MXI1: variants seen among roughly 807,000 people sequenced by gnomAD.
The protein encoded by MXI1 is MAX interactor 1, dimerization protein, also known as max-interacting protein 1.
MXI1 carries 18 observed loss-of-function variants against 36.9 expected under a neutral mutation model. The observed-to-expected ratio is 0.49, with a 90% confidence interval of 0.34 to 0.72. The LOEUF (loss-of-function observed/expected upper bound fraction) is 0.72. Ranked by LOEUF, MXI1 falls within the 30% of genes least tolerant of loss-of-function variation. The pLI is 0.01. For synonymous variants in MXI1, 160 were observed against 146.7 expected (o/e 1.09, Z -0.65); for missense variants, 304 against 379.1 (o/e 0.80, Z 1.64).
chr10:110,258,802 G>A (rs1856404583), intron 3 of MXI1, among the ~76,000 whole-genome samples: 1 of 152,112 alleles, frequency 6.6e-6, no homozygotes, highest in Non-Finnish European at 1.5e-5. Context: ...TTGCAGTTGT[G>A]TCTAGATAGA....
intron 1 of MXI1, among the ~76,000 whole-genome samples, chr10:110,210,043 A>G (rs910095406): frequency 1.3e-4 from 1 of 7,608 alleles, no homozygotes; most frequent in African/African-American, 6.3e-4. Flanking sequence ...CCCACCCCCC[A>G]CCCCCCACCC....
intron 3 of MXI1, among the ~76,000 whole-genome samples, chr10:110,249,531 A>T (rs533757351): frequency 6.6e-6 from 1 of 151,442 alleles, no homozygotes; most frequent in African/African-American, 2.4e-5. Context: ...ATGAGCCAAG[A>T]TCACACCACT....
At chr10:110,247,535 C>G (rs2134398905) in intron 3 of MXI1, among the ~76,000 whole-genome samples, 1 of 152,238 alleles carries the variant, frequency 6.6e-6, no homozygotes, top group East Asian at 1.9e-4. Context: ...ACATTTAAGT[C>G]TTTAATCCAT....
chr10:110,235,390 T>TA (rs1272940806), intron 2 of MXI1, among the ~76,000 whole-genome samples: 1 of 151,744 alleles, frequency 6.6e-6, no homozygotes, highest in African/African-American at 2.4e-5. Context: ...GTTTATTAGT[T>TA]AAAAAAAATA....
chr10:110,236,335 C>T (rs1010369888), intron 2 of MXI1, among the ~76,000 whole-genome samples: 4 of 151,764 alleles, frequency 2.6e-5, no homozygotes, highest in African/African-American at 9.7e-5. Flanking sequence ...TCTAATGCCA[C>T]ACTGTCTTAA....
intron 3 of MXI1, among the ~76,000 whole-genome samples, chr10:110,263,784 T>A (rs1365822587): frequency 6.6e-6 from 1 of 152,222 alleles, no homozygotes. Context: ...TTTTTTTGTT[T>A]CTTCTCACAG....
chr10:110,227,413 A>G lies in MXI1; in HGVS notation c.275-776A>G. 1.1e-5 allele frequency: 11 copies of G among 988,084 alleles called. No individual in the cohort carries two copies. In the South Asian group the frequency reaches 4.0e-4, roughly 36 times the overall value. The allele number at this position is 988,084 out of a possible 1,614,324, so 61.2% of individuals were successfully genotyped here. On this transcript the variant is annotated intron_variant, in intron 1 of 5. Coordinates refer to ENST00000332674, the MANE Select transcript of MXI1 (RefSeq NM_130439.3). The stretch of plus-strand genomic sequence containing the variant: ...TGCTGGGGGAGGTGCGAGGGTGCGC[A>G]CGGAGGGTGGGGCTGTGGGTGTGCG...
intron 5 of MXI1, among the ~76,000 whole-genome samples, chr10:110,280,615 G>A (rs1024415217): frequency 2.0e-5 from 3 of 151,462 alleles, no homozygotes; most frequent in African/African-American, 7.3e-5. Context: ...GGGAGGCGGA[G>A]CTTGCAGTGA....
intron 1 of MXI1, 31 bp downstream of exon 1, chr10:110,208,113 C>G: frequency 6.4e-7 from 1 of 1,559,572 alleles, no homozygotes; most frequent in East Asian, 2.6e-5. Context: ...TCTTCCTCGG[C>G]GCCCGGTTCT....
At chr10:110,224,800 A>C (rs374967191) in intron 1 of MXI1, among the ~76,000 whole-genome samples, 3 of 152,066 alleles carry the variant, frequency 2.0e-5, no homozygotes, top group African/African-American at 7.2e-5. Flanking sequence ...GGCACCCGCC[A>C]CCATGCCCGG....
chr10:110,235,733 G>A (rs181220853), intron 2 of MXI1, among the ~76,000 whole-genome samples: 46 of 151,150 alleles, frequency 3.0e-4, no homozygotes, highest in Non-Finnish European at 5.2e-4. Context: ...TCTATTGGCC[G>A]GGTGTGGTGG....
chr10:110,232,439 C>G (rs1855308517), intron 2 of MXI1, among the ~76,000 whole-genome samples: 2 of 152,186 alleles, frequency 1.3e-5, no homozygotes, highest in South Asian at 2.1e-4. Flanking sequence ...GGAATGTTTC[C>G]TCATCTGCCG....
intron 3 of MXI1, among the ~76,000 whole-genome samples, chr10:110,253,923 C>T (rs1257352367): frequency 1.3e-5 from 2 of 151,996 alleles, no homozygotes; most frequent in Non-Finnish European, 2.9e-5. Context: ...ATCCTTTCTC[C>T]CTAAGATCAG....
At chr10:110,230,491 A>G (rs1855220756) in intron 2 of MXI1, among the ~76,000 whole-genome samples, 1 of 152,222 alleles carries the variant, frequency 6.6e-6, no homozygotes, top group African/African-American at 2.4e-5. Context: ...ATAAGTAGCA[A>G]GAAAGAGAGA....
chr10:110,246,857 A>G (rs931337546), intron 3 of MXI1, among the ~76,000 whole-genome samples: 1 of 152,188 alleles, frequency 6.6e-6, no homozygotes, highest in Non-Finnish European at 1.5e-5. Flanking sequence ...AAGGAAGGAC[A>G]TATCTGGCTA....
intron 1 of MXI1, chr10:110,227,720 A>G (rs1855110158): frequency 4.6e-6 from 1 of 216,168 alleles, no homozygotes; most frequent in Non-Finnish European, 8.3e-6. Context: ...GAGATGGCGC[A>G]GAAAGACCAG....
At chr10:110,257,259 C>T (rs1856333194) in intron 3 of MXI1, 1 of 151,316 alleles carries the variant, frequency 6.6e-6, no homozygotes, top group Non-Finnish European at 1.5e-5. Flanking sequence ...AGACTGCGAG[C>T]ATGCTATTAG....
intron 2 of MXI1, among the ~76,000 whole-genome samples, chr10:110,239,687 G>C (rs1043779035): frequency 3.9e-5 from 6 of 151,990 alleles, no homozygotes; most frequent in African/African-American, 1.4e-4. Flanking sequence ...CAAAAGATTT[G>C]TCAAGGACTT....
At chr10:110,250,389 G>A (rs1409547873) in intron 3 of MXI1, among the ~76,000 whole-genome samples, 2 of 152,160 alleles carry the variant, frequency 1.3e-5, no homozygotes, top group Admixed American at 6.5e-5. Flanking sequence ...TGAGATTGAA[G>A]AATTAAGATA....
Sources: allele counts gnomAD v4.1 joint callset (sites outside exome capture counted in the v4.1 genomes callset), GRCh38; gene constraint gnomAD v4.1.1; transcripts MANE v1.5; gene names NCBI Gene and HGNC (gene_info 2026-07-23, HGNC 2026-07-21).